Variants in CEP290 observed in about 807,000 individuals in gnomAD.
CEP290 encodes centrosomal protein 290.
A neutral mutation model predicts 344.9 loss-of-function variants in CEP290; 317 were observed. The ratio of observed to expected loss-of-function variants is 0.92; its 90% CI spans 0.84 to 1.01. CEP290 has a LOEUF of 1.01. Among genes scored for constraint, CEP290 ranks in the 50% least tolerant of loss-of-function variants. The probability of loss-of-function intolerance (pLI) is 0.00; values close to 1 mark genes in which losing one functional copy is unlikely to be tolerated. For synonymous variants in CEP290, 932 were observed against 895.8 expected (o/e 1.04, Z -0.72); for missense variants, 2,754 against 2,761.4 (o/e 1.00, Z 0.06).
At chr12:88,062,946 A>G (rs1425002021) in intron 45 of CEP290, among the ~76,000 whole-genome samples, 168 bp from the exon 46 acceptor site, 1 of 152,170 alleles carries the variant, frequency 6.6e-6, no homozygotes. Flanking sequence ...TTAAATTAAT[A>G]CAAGAATATT....
intron 27 of CEP290, among the ~76,000 whole-genome samples, chr12:88,096,292 G>A (rs1025950372): frequency 6.6e-6 from 1 of 152,000 alleles, no homozygotes; most frequent in African/African-American, 2.4e-5. Flanking sequence ...CAGGGGATCT[G>A]CTCTCCTCAG....
intron 13 of CEP290, among the ~76,000 whole-genome samples, chr12:88,122,639 A>G (rs2039475500): frequency 6.6e-6 from 1 of 152,166 alleles, no homozygotes; most frequent in South Asian, 2.1e-4. Flanking sequence ...GTGTTATCAG[A>G]TAAGTCCTTT....
chr12:88,118,783 T>C (rs1235904972), intron 15 of CEP290, 40 bp from the exon 16 acceptor site: 2 of 1,438,136 alleles, frequency 1.4e-6, no homozygotes, highest in Non-Finnish European at 1.9e-6. Context: ...TTAAAAACAT[T>C]CAAATAAGCT....
chr12:88,106,851 C>T lies in CEP290; in HGVS notation c.2641G>A (p.Glu881Lys), dbSNP rs775029423. 6.2e-7 allele frequency: 1 copy of T among 1,607,898 alleles called. No homozygotes were observed. ...DSDEMKKILAENSRKITVLQV... is the reference protein window; with the variant it reads ...DSDEMKKILAKNSRKITVLQV... ...AAAACAGTAATTTTCCTACTATTTT[C>T]TGCAAGTATTTTTTTCATTTCATCC... The change falls in exon 25 of 54, where the codon GAA becomes AAA. Residue 881 changes from glutamate (E) to lysine (K), a missense_variant. Physicochemically the swap from Glu to Lys is moderately conservative, Grantham distance 56. Transcript: ENST00000552810.
At position 88,093,939 on chromosome 12, in the gene CEP290, A is replaced by G. The variant is rs769024604; in HGVS notation, c.3140T>C (p.Ile1047Thr). ...ESSMDKAKKSITNSDIVSISK... is the reference protein window; with the variant it reads ...ESSMDKAKKSTTNSDIVSISK... ...AATGGAAACAATGTCACTGTTGGTT[A>G]TTGATTTCTTTGCCTTATCCATGCT... Residue 1047 changes from isoleucine (I) to threonine (T), a missense_variant, in exon 28 of 54, where the codon ATA becomes ACA. Coordinates refer to ENST00000552810, the MANE Select transcript of CEP290 (RefSeq NM_025114.4). The G allele has an allele frequency of 3.7e-6, 6 of 1,611,950 alleles. No individual in the cohort carries two copies. The highest frequency in any genetic ancestry group is 4.2e-6 in the Non-Finnish European group (5 of 1,179,176).
rs748802599 is a variant in CEP290, at chr12:88,060,876, G to C, written c.6476C>G (p.Thr2159Ser). 13 of 1,533,418 alleles carry C rather than the reference G, an allele frequency of 8.5e-6. No homozygotes were observed. In the South Asian group the frequency reaches 1.5e-4, roughly 18 times the overall value. 95.0% of individuals were successfully genotyped at this position (1,533,418 alleles called of 1,614,324 possible). ...CTCAATATTAGCCATTTTTTCACTA[G>C]TCAATATTCCTGATGCTTTTTTCAA... ...EQLKKASGIL[T>S]SEKMANIEQE... The change falls in exon 47 of 54, where the codon ACT (threonine) becomes AGT (serine). Residue 2159 changes from threonine to serine, a missense_variant. Thr to Ser is a moderately conservative substitution (Grantham distance 58, BLOSUM62 1). Coordinates refer to ENST00000552810, the MANE Select transcript of CEP290 (RefSeq NM_025114.4).
chr12:88,066,520 T>C (rs1286911305), intron 44 of CEP290, among the ~76,000 whole-genome samples: 4 of 151,640 alleles, frequency 2.6e-5, no homozygotes, highest in Non-Finnish European at 5.9e-5. Flanking sequence ...AAGGCTGGTC[T>C]TTGACTCCTG....
chr12:88,101,623 G>A (rs1416128155), intron 26 of CEP290, among the ~76,000 whole-genome samples: 1 of 147,114 alleles, frequency 6.8e-6, no homozygotes, highest in African/African-American at 2.5e-5. Flanking sequence ...TCGTGCCACT[G>A]CACTCAGCCT....
Position 88,126,309 on chromosome 12 carries a change from AT to A in CEP290, c.1065+6del. 1 of 1,448,280 alleles carries A rather than the reference AT, an allele frequency of 6.9e-7. No individual in the cohort carries two copies. Among genetic ancestry groups the A allele is most frequent in the Non-Finnish European group, 9.0e-7 (1 of 1,106,242 alleles). 89.7% of individuals were successfully genotyped at this position (1,448,280 alleles called of 1,614,324 possible). A position where few individuals can be genotyped will look rare whatever the true frequency, so the allele number is the denominator to read the frequency against. ...GGTTGATAAACAAAATTCTGTTAAG[AT>A]TTTACCTGCTGTAGAGCCATAACAT... On this transcript the variant is annotated splice_donor_region_variant and intron_variant, in intron 12 of 53. Transcript: ENST00000552810.
intron 29 of CEP290, among the ~76,000 whole-genome samples, chr12:88,091,678 A>T (rs925961445): frequency 6.6e-6 from 1 of 152,052 alleles, no homozygotes; most frequent in African/African-American, 2.4e-5. Flanking sequence ...AATTTTTTTA[A>T]AAAAAAGGGT....
chr12:88,128,139 CAG>C (rs1186791751), intron 11 of CEP290, among the ~76,000 whole-genome samples: 10 of 152,098 alleles, frequency 6.6e-5, no homozygotes, highest in Non-Finnish European at 2.9e-5. Flanking sequence ...ATGCTATAAG[CAG>C]AGTTTAGTTA....
intron 44 of CEP290, among the ~76,000 whole-genome samples, chr12:88,064,382 T>G (rs1416352887): frequency 6.6e-6 from 1 of 152,096 alleles, no homozygotes; most frequent in African/African-American, 2.4e-5. Flanking sequence ...TCATGTATAA[T>G]TTCATAATGG....
Position 88,049,238 on chromosome 12 carries a change from A to T in CEP290, c.7386T>A (p.Ala2462=). Residue 2462 remains alanine, a synonymous_variant, in exon 54 of 54, where the codon GCT becomes GCA. Coordinates refer to ENST00000552810, the MANE Select transcript of CEP290 (RefSeq NM_025114.4). The stretch of plus-strand genomic sequence containing the variant: ...CTTCTTCATCTTCAAACTCTTCAGA[A>T]GCAGCAACAGGGCTAGTTAATTCAA... The part of the protein sequence containing the change: ...LGVELTSPVA[A]SEEFEDEEES... 3 of 1,608,786 alleles carry T rather than the reference A, an allele frequency of 1.9e-6. No homozygotes were observed. Among genetic ancestry groups the T allele is most frequent in the Non-Finnish European group, 2.5e-6 (3 of 1,178,600 alleles).
chr12:88,054,366 G>T lies in CEP290; in HGVS notation c.7008C>A (p.Gly2336=). The change falls in exon 51 of 54, where the codon GGC becomes GGA. Residue 2336 remains glycine, a synonymous_variant. Coordinates refer to ENST00000552810, the MANE Select transcript of CEP290 (RefSeq NM_025114.4). ...HVPEGAETEQ[G]LKRELQVLRL... ...TAAGAACTTGAAGCTCCCGTTTAAG[G>T]CCTTGCTCTGTCTCAGCACCTTCAG... 6.2e-7 allele frequency: 1 copy of T among 1,610,570 alleles called. No homozygotes were observed. The highest frequency in any genetic ancestry group is 8.5e-7 in the Non-Finnish European group (1 of 1,178,206).
chr12:88,078,549 G>A (rs1245424339), intron 39 of CEP290, among the ~76,000 whole-genome samples: 5 of 151,988 alleles, frequency 3.3e-5, no homozygotes, highest in East Asian at 1.9e-4. Flanking sequence ...AGGCACAGAA[G>A]ATTTTTAGGG....
rs576633790 is a variant in CEP290 at position 88,080,720 on chromosome 12, C to T, written c.5013-325G>A. 2.0e-4 allele frequency among the ~76,000 whole-genome samples: 31 copies of T among 152,280 alleles called. No individual in the cohort carries two copies. The South Asian group carries it at 6.4e-3, about 32-fold the overall frequency. On this transcript the variant is annotated intron_variant, in intron 37 of 53. Transcript: ENST00000552810. ...CTGGGATTACAGGTGTGAGCCACCA[C>T]ACCTGGCCAAACATATGTAATTAAT...
chr12:88,097,991 A>T (rs2037564873), intron 26 of CEP290, among the ~76,000 whole-genome samples: 1 of 152,120 alleles, frequency 6.6e-6, no homozygotes, highest in Non-Finnish European at 1.5e-5. Context: ...TAAGCAAGTA[A>T]ACAAACAAAA....
rs2035356582 is a variant in CEP290 at position 88,071,316 on chromosome 12, C to T, written c.5989G>A (p.Glu1997Lys). ...TACCTCATATACAATATATCATTTT[C>T]TAAGTCAAGATTTCTCTTTTTTAAT... ...EELKKRNLDL[E>K]NDILYMRAHQ... Residue 1997 changes from glutamate (E) to lysine (K), a missense_variant, in exon 43 of 54, where the codon GAA becomes AAA. Transcript: ENST00000552810. The T allele has an allele frequency of 6.2e-7, 1 of 1,606,068 alleles. No individual in the cohort carries two copies. The highest frequency in any genetic ancestry group is 1.7e-5 in the Admixed American group (1 of 59,148).
intron 53 of CEP290, chr12:88,049,781 G>A (rs2033306145): frequency 6.3e-6 from 1 of 159,278 alleles, no homozygotes; most frequent in Non-Finnish European, 1.4e-5. Flanking sequence ...TTTTGGTTTA[G>A]ACTTCATTTA....
Sources: gnomAD v4.1 joint callset for allele counts (sites outside exome capture counted in the v4.1 genomes callset) on GRCh38, gnomAD v4.1.1 for gene constraint, MANE v1.5 for transcripts, NCBI Gene and HGNC (gene_info 2026-07-23, HGNC 2026-07-21) for gene names.